ZNF423: variants seen among roughly 807,000 people sequenced by gnomAD.
ZNF423 encodes the protein zinc finger protein 423.
ZNF423 carries 12 observed loss-of-function variants against 95.8 expected under a neutral mutation model. The observed-to-expected ratio is 0.13, with a 90% CI of 0.08 to 0.20. ZNF423 has a LOEUF of 0.20. ZNF423 is among the 10% of genes least tolerant of loss of function. The probability of loss-of-function intolerance (pLI) is 1.00; values close to 1 mark genes in which losing one functional copy is unlikely to be tolerated. For synonymous variants in ZNF423, 749 were observed against 711.9 expected, an observed-to-expected ratio of 1.05 and a Z score of -0.83; for missense variants, 1,316 against 1,737.1, an observed-to-expected ratio of 0.76 and a Z score of 4.31.
intron 7 of ZNF423, among the ~76,000 whole-genome samples, chr16:49,511,747 T>C (rs576902176): frequency 4.6e-4 from 70 of 152,290 alleles, no homozygotes; most frequent in African/African-American, 1.7e-3. Flanking sequence ...GTGGCAGCAA[T>C]AATAATCATG....
chr16:49,635,872 C>T lies in ZNF423; in HGVS notation c.3304G>A (p.Gly1102Ser), dbSNP rs139931382. The T allele has an allele frequency of 2.2e-4, 343 of 1,586,134 alleles. No homozygotes were observed. Among genetic ancestry groups the T allele is most frequent in the African/African-American group, 1.2e-3 (90 of 74,208 alleles). Reference sequence around the variant, plus strand: ...CCGTTGGCGCTGCGGGCCATGCAGCCGGCGCAGAGGCCGTAGGGCAGCCCA... The same window carrying T: ...CCGTTGGCGCTGCGGGCCATGCAGCTGGCGCAGAGGCCGTAGGGCAGCCCA... ...VNGLPYGLCA[G>S]CMARSANGQV... is the part of the protein sequence containing the mutation. The change falls in exon 4 of 8, where the codon GGC becomes AGC. Residue 1102 changes from glycine to serine, a missense_variant. Around this residue, in one of 6 missense-constraint regions of ZNF423, gnomAD observed 620 missense variants for 775.6 expected, o/e 0.80. Coordinates refer to ENST00000563137, the MANE Select transcript of ZNF423 (RefSeq NM_001379286.1). This position sits in a 1 kb window ranked among gnomAD's most constrained non-coding sequence, Gnocchi z 4.8.
At chr16:49,616,566 C>T (rs754395304) in intron 5 of ZNF423, among the ~76,000 whole-genome samples, 1 of 151,862 alleles carries the variant, frequency 6.6e-6, no homozygotes, top group Non-Finnish European at 1.5e-5. Context: ...ATATTGCATG[C>T]CTGTATCGAA....
At chr16:49,819,123 G>A (rs2034900959) in intron 1 of ZNF423, among the ~76,000 whole-genome samples, 1 of 151,042 alleles carries the variant, frequency 6.6e-6, no homozygotes, top group Non-Finnish European at 1.5e-5. Flanking sequence ...CGTGGTAGTG[G>A]GTGCCTGTAG....
At chr16:49,759,440 T>C (rs7185394) in intron 2 of ZNF423, among the ~76,000 whole-genome samples, 107,510 of 151,804 alleles carry the variant, frequency 0.71, 38,929 homozygotes, top group African/African-American at 0.86. Context: ...CTTGCCTAGG[T>C]GCAATGCAAC....
intron 2 of ZNF423, among the ~76,000 whole-genome samples, chr16:49,739,696 G>GTTTTTTTTTTTTTT (rs10574656): frequency 1.9e-5 from 1 of 52,592 alleles, no homozygotes; most frequent in African/African-American, 8.3e-5. Flanking sequence ...TTTTTGTTTG[G>GTTTTTTTTTTTTTT]TTTTTTTTTT....
At chr16:49,690,054 T>C (rs2031721051) in intron 3 of ZNF423, among the ~76,000 whole-genome samples, 1 of 152,024 alleles carries the variant, frequency 6.6e-6, no homozygotes, top group African/African-American at 2.4e-5. Flanking sequence ...CCCAGGGGTG[T>C]CCTGTTCTAC....
intron 5 of ZNF423, among the ~76,000 whole-genome samples, chr16:49,598,887 C>T (rs1971266579): frequency 6.6e-6 from 1 of 152,228 alleles, no homozygotes; most frequent in African/African-American, 2.4e-5. Flanking sequence ...GGCTGAACCA[C>T]ATGAAAATGT....
chr16:49,595,277 C>T (rs1971147936), intron 5 of ZNF423, among the ~76,000 whole-genome samples: 1 of 152,234 alleles, frequency 6.6e-6, no homozygotes, highest in Non-Finnish European at 1.5e-5. Flanking sequence ...GGTAAACCCA[C>T]ACTGGGACAT....
chr16:49,553,610 G>A (rs8050780), intron 5 of ZNF423, among the ~76,000 whole-genome samples: 120 of 151,962 alleles, frequency 7.9e-4, no homozygotes, highest in African/African-American at 2.8e-3. Flanking sequence ...GCCTCTCTAA[G>A]TGCTGGGATT....
intron 5 of ZNF423, among the ~76,000 whole-genome samples, chr16:49,621,070 G>A (rs1481371867): frequency 6.6e-6 from 1 of 152,180 alleles, no homozygotes; most frequent in Non-Finnish European, 1.5e-5. Flanking sequence ...CTCCTGCAGA[G>A]CAATTTCCTG....
intron 7 of ZNF423, among the ~76,000 whole-genome samples, chr16:49,519,669 A>G (rs1259245138): frequency 6.6e-6 from 1 of 152,216 alleles, no homozygotes; most frequent in Admixed American, 6.5e-5. Context: ...TTTTCTCCCA[A>G]TCAGTGACTT....
intron 5 of ZNF423, among the ~76,000 whole-genome samples, chr16:49,531,462 C>T (rs1280920944): frequency 1.3e-5 from 2 of 152,052 alleles, no homozygotes; most frequent in East Asian, 1.9e-4. Context: ...AGGACCCCTC[C>T]GACACCATCC....
intron 4 of ZNF423, among the ~76,000 whole-genome samples, chr16:49,629,852 G>A (rs756605994): frequency 7.9e-5 from 12 of 152,174 alleles, no homozygotes; most frequent in South Asian, 4.1e-4. Flanking sequence ...CCACCCTAGC[G>A]CAGGCCTTAC....
intron 3 of ZNF423, among the ~76,000 whole-genome samples, chr16:49,668,762 C>T (rs888012950): frequency 2.0e-5 from 3 of 152,130 alleles, no homozygotes; most frequent in African/African-American, 7.2e-5. Context: ...AAGCACCAGG[C>T]CCCCAGGAGG....
At chr16:49,681,305 A>G (rs1596845628) in intron 3 of ZNF423, among the ~76,000 whole-genome samples, 1 of 152,212 alleles carries the variant, frequency 6.6e-6, no homozygotes, top group East Asian at 1.9e-4. Flanking sequence ...CAGCATCCAG[A>G]CTACACAGCT....
chr16:49,696,915 C>T (rs1466069805), intron 3 of ZNF423, among the ~76,000 whole-genome samples: 6 of 152,226 alleles, frequency 3.9e-5, no homozygotes, highest in African/African-American at 7.2e-5. Flanking sequence ...AGGAGGGGGG[C>T]TGGCTTTGAT....
intron 1 of ZNF423, among the ~76,000 whole-genome samples, chr16:49,842,362 GAGAC>G (rs2035196471): frequency 1.4e-5 from 1 of 70,724 alleles, no homozygotes; most frequent in Non-Finnish European, 2.8e-5. Context: ...GGAAGGGAGA[GAGAC>G]AGGAAGGAAG....
chr16:49,638,960 G>T lies in ZNF423; in HGVS notation c.302-86C>A. Reference sequence around the variant, plus strand: ...CAGAGCCAGCTTCTCGACAGCACGCGGGCTGAGGCTGTGCAGCTGGCCAAC... The same window carrying T: ...CAGAGCCAGCTTCTCGACAGCACGCTGGCTGAGGCTGTGCAGCTGGCCAAC... On this transcript the variant is annotated intron_variant, in intron 3 of 7. Transcript: ENST00000563137. This position sits in a 1 kb window ranked among gnomAD's most constrained non-coding sequence, Gnocchi z 5.6. 6.8e-7 allele frequency: 1 copy of T among 1,476,262 alleles called. No individual in the cohort carries two copies. The allele number at this position is 1,476,262 out of a possible 1,614,324, so 91.4% of individuals were successfully genotyped here. A position where few individuals can be genotyped will look rare whatever the true frequency, so the allele number is the denominator to read the frequency against.
intron 5 of ZNF423, among the ~76,000 whole-genome samples, chr16:49,608,523 A>G (rs1001512721): frequency 2.0e-5 from 3 of 152,200 alleles, no homozygotes; most frequent in Non-Finnish European, 4.4e-5. Context: ...TGAACATTAT[A>G]TATGAAAGAA....
Sources: gnomAD v4.1 joint callset for allele counts (sites outside exome capture counted in the v4.1 genomes callset) on GRCh38, gnomAD v4.1.1 for gene constraint, gnomAD v4.1.1 regional missense constraint, Gnocchi (gnomAD v3.1) non-coding constraint, MANE v1.5 for transcripts, NCBI Gene and HGNC (gene_info 2026-07-23, HGNC 2026-07-21) for gene names.